The following USHBP1 variants were observed in gnomAD, a reference collection of about 807,000 sequenced individuals.
USHBP1 encodes the protein harmonin-binding protein USHBP1.
A neutral mutation model predicts 76.2 loss-of-function variants in USHBP1; 67 were observed. The observed-to-expected ratio is 0.88, with a 90% CI of 0.72 to 1.08. USHBP1 has a LOEUF of 1.08. Ranked by LOEUF, USHBP1 falls within the 50% of genes least tolerant of loss-of-function variation. USHBP1 has a pLI of 0.00. For missense variants in USHBP1, 931 were observed against 915.0 expected (o/e 1.02, Z -0.23); for synonymous variants, 322 against 362.2 (o/e 0.89, Z 1.26).
chr19:17,258,248 G>A lies in USHBP1; in HGVS notation c.1184C>T (p.Ala395Val). ...AWRLLAQEEA[A>V]MDAGAQQNPQ... is the part of the protein sequence containing the mutation. ...ATTCTGCTGTGCTCCTGCATCCATG[G>A]CAGCCTCCTCTTGTGCCAGCAGCCT... Residue 395 changes from alanine (A) to valine (V), a missense_variant, in exon 8 of 13, where the codon GCC becomes GTC. By Grantham distance (64) the Ala-to-Val change is moderately conservative (BLOSUM62 0). Coordinates refer to ENST00000252597, the MANE Select transcript of USHBP1 (RefSeq NM_031941.4). 1 of 1,614,094 alleles carries A rather than the reference G, an allele frequency of 6.2e-7. No homozygotes were observed. Among genetic ancestry groups the A allele is most frequent in the East Asian group, 2.2e-5 (1 of 44,892 alleles).
intron 10 of USHBP1, among the ~76,000 whole-genome samples, 158 bp downstream of exon 10, chr19:17,255,227 G>C (rs1338204824): frequency 6.6e-6 from 1 of 151,880 alleles, no homozygotes; most frequent in Non-Finnish European, 1.5e-5. Context: ...GGGAGGCGGA[G>C]GTTGTGGTGA....
chr19:17,260,367 T>C (rs2073672869), intron 4 of USHBP1, among the ~76,000 whole-genome samples: 2 of 152,156 alleles, frequency 1.3e-5, no homozygotes, highest in Non-Finnish European at 2.9e-5. Flanking sequence ...TCTTGCTCTG[T>C]TACCTAGGCT....
rs753887466 is a variant in USHBP1, at chr19:17,251,929, A to C, written c.1781T>G (p.Leu594Arg). ...CACACACCTGGTGAGCGATGCTGCC[A>C]GTTCCTGGGCTAACTTCTCTGGGTC... ...AWDPEKLAQELAASLTRTLDL... is the reference protein window; with the variant it reads ...AWDPEKLAQERAASLTRTLDL... The change falls in exon 11 of 13, where the codon CTG becomes CGG. Residue 594 changes from leucine to arginine, a missense_variant. By Grantham distance (102) the Leu-to-Arg change is moderately radical. Transcript: ENST00000252597. 3 of 1,545,748 alleles carry C rather than the reference A, an allele frequency of 1.9e-6. No individual in the cohort carries two copies. The highest frequency in any genetic ancestry group is 2.6e-6 in the Non-Finnish European group (3 of 1,146,614).
At chr19:17,252,042 G>C (rs1184662669) in intron 10 of USHBP1, 25 bp from the exon 11 acceptor site, 6 of 1,543,110 alleles carry the variant, frequency 3.9e-6, no homozygotes, top group Non-Finnish European at 3.5e-6. Context: ...AGACAAGAAA[G>C]TGACATTAAC....
chr19:17,256,691 G>C lies in USHBP1; in HGVS notation c.1250C>G (p.Thr417Ser), dbSNP rs759916613. The C allele has an allele frequency of 1.2e-5, 19 of 1,614,104 alleles. No homozygotes were observed. Among genetic ancestry groups the C allele is most frequent in the Non-Finnish European group, 8.5e-7 (1 of 1,180,052 alleles). Reference protein sequence around the residue: ...SPEGSSVDKPTPQEVAFQLRS... With the variant: ...SPEGSSVDKPSPQEVAFQLRS... ...GAGCTGGAAAGCCACTTCCTGTGGG[G>C]TGGGCTTATCCACACTGCTGCCTTC... Residue 417 changes from threonine (T) to serine (S), a missense_variant, in exon 9 of 13, where the codon ACC becomes AGC. By Grantham distance (58) the Thr-to-Ser change is moderately conservative (BLOSUM62 1). Coordinates refer to ENST00000252597, the MANE Select transcript of USHBP1 (RefSeq NM_031941.4).
chr19:17,262,221 C>A (rs1003487184), intron 4 of USHBP1, among the ~76,000 whole-genome samples: 8 of 151,074 alleles, frequency 5.3e-5, no homozygotes, highest in African/African-American at 2.0e-4. Flanking sequence ...GCCAAGCTGG[C>A]CTTGAACTCC....
In USHBP1 at chr19:17,259,707, A is replaced by T; in HGVS notation, c.794T>A (p.Leu265Gln). The T allele has an allele frequency of 6.2e-7, 1 of 1,613,204 alleles. No individual in the cohort carries two copies. ...GGAATGGCTGCGGAGGCGCCGAAGC[A>T]GGGGGTGAGCCAGGGAGAAGGAGTC... is the stretch of plus-strand genomic sequence containing the variant. ...TQDSFSLAHPLLRRLRSHSST... is the reference protein window; with the variant it reads ...TQDSFSLAHPQLRRLRSHSST... The change falls in exon 6 of 13, where the codon CTG (leucine) becomes CAG (glutamine). Residue 265 changes from leucine (L) to glutamine (Q), a missense_variant. Coordinates refer to ENST00000252597, the MANE Select transcript of USHBP1 (RefSeq NM_031941.4).
At position 17,251,904 on chromosome 19, in the gene USHBP1, C is replaced by T. The variant is rs200743546; in HGVS notation, c.1799+7G>A. ...CCCCCCGCACAGCCCAGGACCCAGG[C>T]ACACACCTGGTGAGCGATGCTGCCA... On this transcript the variant is annotated splice_region_variant and intron_variant, in intron 11 of 12. Coordinates refer to ENST00000252597, the MANE Select transcript of USHBP1 (RefSeq NM_031941.4). The T allele has an allele frequency of 1.2e-5, 19 of 1,537,732 alleles. No homozygotes were observed. The East Asian group carries it at 4.4e-4, about 36-fold the overall frequency.
chr19:17,259,256 C>A, intron 7 of USHBP1, 33 bp downstream of exon 7: 1 of 1,571,870 alleles, frequency 6.4e-7, no homozygotes. Context: ...ACTCCCTCCC[C>A]AGCTGGTGAC....
At chr19:17,263,861 ACT>A (rs2145597748) in intron 3 of USHBP1, 139 bp downstream of exon 3, 1 of 1,181,978 alleles carries the variant, frequency 8.5e-7, no homozygotes, top group Non-Finnish European at 1.1e-6. Flanking sequence ...ACACAGCAAG[ACT>A]CAAAAAAAAA....
chr19:17,254,891 G>A (rs1018549246), intron 10 of USHBP1, among the ~76,000 whole-genome samples: 4 of 152,038 alleles, frequency 2.6e-5, no homozygotes, highest in African/African-American at 4.8e-5. Flanking sequence ...ACAGGAGGTC[G>A]AGGACTTTAT....
At chr19:17,259,865 C>G (rs1396199703) in intron 5 of USHBP1, 32 bp downstream of exon 5, 2 of 1,603,978 alleles carry the variant, frequency 1.2e-6, no homozygotes. Context: ...CTAAGGACAT[C>G]AAGACCATGG....
chr19:17,255,487 C>T lies in USHBP1; in HGVS notation c.1590G>A (p.Gln530=). ...LGPAHVLLLE[Q]LRWERAELQA... is the part of the protein sequence containing the mutation. The stretch of plus-strand genomic sequence containing the variant: ...GGAGCTCTGCCCGTTCCCACCGCAG[C>T]TGCTCCAGCAGGAGCACGTGAGCTG... Residue 530 remains glutamine, a synonymous_variant, in exon 10 of 13, where the codon CAG becomes CAA. Transcript: ENST00000252597. 1 of 1,613,998 alleles carries T rather than the reference C, an allele frequency of 6.2e-7. No individual in the cohort carries two copies.
Position 17,261,820 on chromosome 19 carries a change from GATTGCAGGC to G in USHBP1, c.642+723_642+731del, listed in dbSNP as rs998553407. Among the ~76,000 whole-genome samples, 57 of 152,090 alleles carry G rather than the reference GATTGCAGGC, an allele frequency of 3.7e-4. No individual in the cohort carries two copies. The East Asian group carries it at 5.4e-3, about 14-fold the overall frequency. On this transcript the variant is annotated intron_variant, in intron 4 of 12. Transcript: ENST00000252597. Reference sequence around the variant, plus strand: ...CTGCCTCAGCCTCCAGAGTAGCTGGGATTGCAGGCACGTGCCACCACACCTGGCTAATTT... The same window carrying G: ...CTGCCTCAGCCTCCAGAGTAGCTGGGACGTGCCACCACACCTGGCTAATTT...
intron 10 of USHBP1, among the ~76,000 whole-genome samples, chr19:17,253,465 A>G (rs2073578851): frequency 6.8e-6 from 1 of 147,876 alleles, no homozygotes; most frequent in South Asian, 2.1e-4. Context: ...ATTTTTTTGT[A>G]TTTTTAGTAG....
In USHBP1 at chr19:17,262,876, C is replaced by T. The variant is rs772078329; in HGVS notation, c.318G>A (p.Lys106=). 3.7e-5 allele frequency: 60 copies of T among 1,609,576 alleles called. No individual in the cohort carries two copies. The East Asian group carries it at 7.8e-4, about 21-fold the overall frequency. Residue 106 remains lysine, a synonymous_variant, in exon 4 of 13, where the codon AAG becomes AAA. Transcript: ENST00000252597. ...CCCCATTCCCAGGGGGCACAGTCTC[C>T]TTGTACTGTAGGGCTGCTTCTGGGG... ...HQAPEAALQY[K]ETVPPGNGAP... is the part of the protein sequence containing the mutation.
chr19:17,250,204 A>C lies in USHBP1; in HGVS notation c.*21T>G, dbSNP rs753782607. 6 of 1,589,828 alleles carry C rather than the reference A, an allele frequency of 3.8e-6. No individual in the cohort carries two copies. In the African/African-American group the frequency reaches 8.1e-5, roughly 21 times the overall value. On this transcript the variant is annotated 3_prime_UTR_variant, in exon 13 of 13. Coordinates refer to ENST00000252597, the MANE Select transcript of USHBP1 (RefSeq NM_031941.4). ...CATGCCACAGCTGTCTGGCATGTCC[A>C]GACATGGCTGGGTAAGGGGCCTACA...
chr19:17,251,926 G>A lies in USHBP1; in HGVS notation c.1784C>T (p.Ala595Val), dbSNP rs751367760. Reference sequence around the variant, plus strand: ...AGGCACACACCTGGTGAGCGATGCTGCCAGTTCCTGGGCTAACTTCTCTGG... The same window carrying A: ...AGGCACACACCTGGTGAGCGATGCTACCAGTTCCTGGGCTAACTTCTCTGG... ...WDPEKLAQELAASLTRTLDLQ... is the reference protein window; with the variant it reads ...WDPEKLAQELVASLTRTLDLQ... The change falls in exon 11 of 13, where the codon GCA (alanine) becomes GTA (valine). Residue 595 changes from alanine (A) to valine (V), a missense_variant. Ala to Val is a moderately conservative substitution (Grantham distance 64). Transcript: ENST00000252597. 3.2e-6 allele frequency: 5 copies of A among 1,544,758 alleles called. No individual in the cohort carries two copies. In the South Asian group the frequency reaches 6.0e-5, roughly 18 times the overall value.
chr19:17,258,201 C>A lies in USHBP1; in HGVS notation c.1220+11G>T, dbSNP rs981422322. 19 of 1,613,038 alleles carry A rather than the reference C, an allele frequency of 1.2e-5. No individual in the cohort carries two copies. In the African/African-American group the frequency reaches 2.4e-4, roughly 20 times the overall value. On this transcript the variant is annotated intron_variant, in intron 8 of 12. Transcript: ENST00000252597. Reference sequence around the variant, plus strand: ...TCAACCAGGCCAGTTCCCAGGGTTCCAGGGGGGTACCTTGGCTGTGGATTC... The same window carrying A: ...TCAACCAGGCCAGTTCCCAGGGTTCAAGGGGGGTACCTTGGCTGTGGATTC...
Sources: allele counts gnomAD v4.1 joint callset (sites outside exome capture counted in the v4.1 genomes callset), GRCh38; gene constraint gnomAD v4.1.1; transcripts MANE v1.5; gene names NCBI Gene and HGNC (gene_info 2026-07-23, HGNC 2026-07-21).